Variants in MTM1 observed in about 807,000 individuals in gnomAD.
MTM1 encodes the protein myotubularin 1, also known as myotubularin.
MTM1 carries 9 observed loss-of-function variants against 52.1 expected under a neutral mutation model. That is an observed-to-expected ratio of 0.17 (90% CI 0.10 to 0.30). MTM1 has a LOEUF of 0.30. Ranked by LOEUF, MTM1 falls within the 10% of genes least tolerant of loss-of-function variation. The pLI, the probability that MTM1 is intolerant of heterozygous loss-of-function variation, is 1.00. For synonymous variants in MTM1, 136 were observed against 163.8 expected (o/e 0.83, Z 1.29); for missense variants, 277 against 470.7 (o/e 0.59, Z 3.81).
chrX:150,583,884 T>TATATATTTAATATATATTAA (rs1557412110), intron 1 of MTM1, among the ~76,000 whole-genome samples: 466 of 35,627 alleles, frequency 0.013, 52 homozygotes, highest in African/African-American at 0.017. Context: ...ATATTAAATA[T>TATATATTTAATATATATTAA]ATATATATAT....
intron 6 of MTM1, among the ~76,000 whole-genome samples, chrX:150,630,485 T>A (rs1479717881): frequency 8.9e-6 from 1 of 112,247 alleles, no homozygotes; most frequent in Non-Finnish European, 1.9e-5. Context: ...TAGCTTCCAG[T>A]TTTATTTTGC....
chrX:150,583,771 ATT>A (rs2038705720), intron 1 of MTM1, among the ~76,000 whole-genome samples: 1 of 47,843 alleles, frequency 2.1e-5, no homozygotes, highest in African/African-American at 7.6e-5. Context: ...ATTAATATAT[ATT>A]TAATATATAA....
chrX:150,616,188 G>T (rs1311708632), intron 5 of MTM1, among the ~76,000 whole-genome samples: 2 of 111,757 alleles, frequency 1.8e-5, no homozygotes, highest in Non-Finnish European at 3.8e-5. Context: ...AACAAAAGGC[G>T]TAGGAACAAC....
At chrX:150,619,184 TC>T in intron 6 of MTM1, 45 bp downstream of exon 6, 1 of 969,373 alleles carries the variant, frequency 1.0e-6, no homozygotes, top group Non-Finnish European at 1.5e-6. Flanking sequence ...TCTCAGTGCC[TC>T]CTCTGTGAAA....
At chrX:150,657,322 A>G (rs1276243821) in intron 10 of MTM1, among the ~76,000 whole-genome samples, 6 of 111,101 alleles carry the variant, frequency 5.4e-5, no homozygotes, top group Non-Finnish European at 1.1e-4. Flanking sequence ...TGTCCTTTGT[A>G]GGGACATGGA....
At chrX:150,663,676 A>G (rs782157806) in intron 14 of MTM1, 67 bp downstream of exon 14, 191 of 1,038,387 alleles carry the variant, frequency 1.8e-4, no homozygotes, top group Non-Finnish European at 2.1e-4. Context: ...GTTATTTGGT[A>G]TGGATTTTTT....
intron 11 of MTM1, among the ~76,000 whole-genome samples, chrX:150,658,358 GA>G (rs1251269438): frequency 8.9e-6 from 1 of 111,769 alleles, no homozygotes; most frequent in Admixed American, 9.5e-5. Context: ...ACTTTTAGTT[GA>G]GGCTTTTTAT....
upstream of MTM1, among the ~76,000 whole-genome samples, chrX:150,567,917 T>C (rs369672032): frequency 8.9e-6 from 1 of 112,185 alleles, no homozygotes; most frequent in African/African-American, 3.2e-5. Context: ...TTTCTTCTCT[T>C]TTTCCTGTCC....
intron 11 of MTM1, 84 bp from the exon 12 acceptor site, chrX:150,659,580 A>G: frequency 1.2e-6 from 1 of 804,048 alleles, no homozygotes; most frequent in Non-Finnish European, 1.9e-6. Flanking sequence ...ACATTGCTGA[A>G]TTGTATTGTC....
At chrX:150,638,276 G>T (rs1792826927) in intron 6 of MTM1, among the ~76,000 whole-genome samples, 1 of 111,404 alleles carries the variant, frequency 9.0e-6, no homozygotes. Flanking sequence ...GTGGACACTT[G>T]GATAGCCAAG....
rs182130473 is a variant in MTM1, at chrX:150,595,719, G to T, written c.64-779G>T. 1.0e-3 allele frequency among the ~76,000 whole-genome samples: 116 copies of T among 112,624 alleles called. 1 individual carries two copies. Among genetic ancestry groups the T allele is most frequent in the Admixed American group, 9.7e-3 (104 of 10,668 alleles). ...CAGCTGAATAACCTGAAAGACAATG[G>T]GTAGCTATGGCAAATTAGGCTCTGC... On this transcript the variant is annotated intron_variant, in intron 2 of 14. Transcript: ENST00000370396.
intron 12 of MTM1, 36 bp downstream of exon 12, chrX:150,659,792 AT>A: frequency 9.6e-7 from 1 of 1,039,906 alleles, no homozygotes. Context: ...CATTCAACTC[AT>A]TGTTTAAATT....
intron 1 of MTM1, among the ~76,000 whole-genome samples, chrX:150,571,602 CTT>C (rs1195885767): frequency 8.9e-6 from 1 of 112,464 alleles, no homozygotes; most frequent in Non-Finnish European, 1.9e-5. Flanking sequence ...ATATGGAACT[CTT>C]TTGTTTTTAA....
intron 2 of MTM1, among the ~76,000 whole-genome samples, chrX:150,593,955 G>A (rs940504814): frequency 2.7e-5 from 3 of 111,013 alleles, no homozygotes; most frequent in African/African-American, 9.8e-5. Context: ...GACAGAGTGA[G>A]ATCCTGTCTC....
At chrX:150,627,915 G>A (rs986859661) in intron 6 of MTM1, among the ~76,000 whole-genome samples, 1 of 111,910 alleles carries the variant, frequency 8.9e-6, no homozygotes, top group Non-Finnish European at 1.9e-5. Context: ...TGTGAGTTTC[G>A]TCCACATACT....
rs782504569 is a variant in MTM1 at position 150,649,760 on chromosome X, C to A, written c.912C>A (p.Ala304=). Residue 304 remains alanine (A), a synonymous_variant, in exon 10 of 15, where the codon GCC becomes GCA. Coordinates refer to ENST00000370396, the MANE Select transcript of MTM1 (RefSeq NM_000252.3). ...GYESDDAYHN[A]ELFFLDIHNI... ...AAAGTGATGATGCATATCATAACGC[C>A]GAACTTTTCTTCTTAGACATTCATA... 8.3e-7 allele frequency: 1 copy of A among 1,209,901 alleles called. No homozygotes were observed. Among genetic ancestry groups the A allele is most frequent in the South Asian group, 1.8e-5 (1 of 56,804 alleles).
At position 150,660,481 on chromosome X, in the gene MTM1, A is replaced by C. The variant is rs1557414653; in HGVS notation, c.1464A>C (p.Arg488Ser). The change falls in exon 13 of 15, where the codon AGA (arginine) becomes AGC (serine). Residue 488 changes from arginine to serine, a missense_variant. Arg to Ser is a moderately radical substitution (Grantham distance 110). Transcript: ENST00000370396. ...FLFNCESARE[R>S]QKVTERTVSL... ...TCAACTGTGAATCTGCTCGAGAAAG[A>C]CAGGTGAGTTAAAATGCTATTTTTT... 2 of 1,156,516 alleles carry C rather than the reference A, an allele frequency of 1.7e-6. No individual in the cohort carries two copies. Among genetic ancestry groups the C allele is most frequent in the Non-Finnish European group, 2.4e-6 (2 of 845,253 alleles).
intron 6 of MTM1, among the ~76,000 whole-genome samples, chrX:150,637,970 C>T (rs2039779554): frequency 8.9e-6 from 1 of 112,704 alleles, no homozygotes; most frequent in Non-Finnish European, 1.9e-5. Flanking sequence ...AGGACTTGAT[C>T]TGACCTATGA....
chrX:150,623,172 G>T (rs1228237147), intron 6 of MTM1, among the ~76,000 whole-genome samples: 1 of 110,931 alleles, frequency 9.0e-6, no homozygotes, highest in Non-Finnish European at 1.9e-5. Flanking sequence ...AGGGAGTGAA[G>T]ATAGGAAAGG....
Sources: gnomAD v4.1 joint callset for allele counts (sites outside exome capture counted in the v4.1 genomes callset) on GRCh38, gnomAD v4.1.1 for gene constraint, MANE v1.5 for transcripts, NCBI Gene and HGNC (gene_info 2026-07-23, HGNC 2026-07-21) for gene names.